Variants in WWOX observed in about 807,000 individuals in gnomAD.
WWOX encodes WW domain-containing oxidoreductase.
Under a neutral mutation model 46.2 loss-of-function variants are expected in WWOX, and 69 were observed. The observed-to-expected ratio is 1.49, with a 90% CI of 1.23 to 1.82. WWOX has a LOEUF of 1.82. Ranked by LOEUF, WWOX falls within the 40% of genes most tolerant of loss-of-function variation. The probability of loss-of-function intolerance (pLI) is 0.00; values close to 1 mark genes in which losing one functional copy is unlikely to be tolerated. For synonymous variants in WWOX, 359 were observed against 202.6 expected, an observed-to-expected ratio of 1.77 and a Z score of -6.56; for missense variants, 919 against 542.6, an observed-to-expected ratio of 1.69 and a Z score of -6.89.
At chr16:78,876,906 G>A (rs1358439790) in intron 8 of WWOX, among the ~76,000 whole-genome samples, 1 of 152,108 alleles carries the variant, frequency 6.6e-6, no homozygotes. Flanking sequence ...AATTCCTACA[G>A]GAAATCTTGT....
In WWOX at chr16:78,783,044, C is replaced by T. The variant is rs543913865; in HGVS notation, c.1056+350292C>T. The stretch of plus-strand genomic sequence containing the variant: ...ATCTTTCTGAAGTCATTTTAATTAT[C>T]ACTTAAACTCAATATGGAAAGCATC... On this transcript the variant is annotated intron_variant, in intron 8 of 8. Transcript: ENST00000566780. Among the ~76,000 whole-genome samples, 106 of 152,270 alleles carry T rather than the reference C, an allele frequency of 7.0e-4. 1 individual carries two copies. Among genetic ancestry groups the T allele is most frequent in the African/African-American group, 2.5e-3 (105 of 41,526 alleles).
At chr16:78,167,628 T>A (rs2035015801) in intron 5 of WWOX, 1 of 152,212 alleles carries the variant, frequency 6.6e-6, no homozygotes, top group Non-Finnish European at 1.5e-5. Flanking sequence ...TTTCACTTGT[T>A]CTCTCTGTAT....
chr16:78,203,239 A>G (rs2036287996), intron 5 of WWOX, among the ~76,000 whole-genome samples: 2 of 152,032 alleles, frequency 1.3e-5, no homozygotes, highest in Admixed American at 6.6e-5. Context: ...AAATCAAGAG[A>G]CCCACCTTTG....
At chr16:78,225,953 G>T (rs927628096) in intron 5 of WWOX, among the ~76,000 whole-genome samples, 1 of 152,008 alleles carries the variant, frequency 6.6e-6, no homozygotes, top group Non-Finnish European at 1.5e-5. Flanking sequence ...TTTAAAAATA[G>T]TTCTAGTACT....
At chr16:78,100,753 A>G (rs78192082) in intron 1 of WWOX, among the ~76,000 whole-genome samples, 1 of 152,238 alleles carries the variant, frequency 6.6e-6, no homozygotes, top group Non-Finnish European at 1.5e-5. Context: ...CACCGTGTCT[A>G]GTAGGTACTC....
intron 8 of WWOX, among the ~76,000 whole-genome samples, chr16:78,433,777 C>CTTTTTTTTT (rs547236644): frequency 1.2e-5 from 1 of 84,374 alleles, no homozygotes; most frequent in Non-Finnish European, 2.2e-5. Context: ...TTGGGGATGA[C>CTTTTTTTTT]TTTTTTTTTT....
intron 8 of WWOX, among the ~76,000 whole-genome samples, chr16:79,163,425 G>A (rs189220974): frequency 2.0e-5 from 3 of 152,262 alleles, no homozygotes; most frequent in African/African-American, 7.2e-5. Flanking sequence ...AAGTTACTCT[G>A]AGCTCTATAA....
chr16:78,415,618 T>C (rs1288947309), intron 6 of WWOX, among the ~76,000 whole-genome samples: 1 of 152,122 alleles, frequency 6.6e-6, no homozygotes, highest in Non-Finnish European at 1.5e-5. Flanking sequence ...TCAGTTATTA[T>C]TTCACAAAGG....
intron 8 of WWOX, among the ~76,000 whole-genome samples, chr16:79,071,610 G>C (rs370209253): frequency 6.6e-6 from 1 of 152,172 alleles, no homozygotes; most frequent in East Asian, 1.9e-4. Context: ...CCCATTACAC[G>C]CTCAGGCTTG....
chr16:78,770,360 A>AC (rs145109743), intron 8 of WWOX, among the ~76,000 whole-genome samples: 2,880 of 152,102 alleles, frequency 0.019, 78 homozygotes, highest in African/African-American at 0.066. Context: ...CAAACAAAAA[A>AC]AAAATTTAAC....
At chr16:78,139,992 A>G (rs1026359701) in intron 4 of WWOX, among the ~76,000 whole-genome samples, 72 of 152,224 alleles carry the variant, frequency 4.7e-4, no homozygotes, top group African/African-American at 1.7e-3. Context: ...GATGTCCCAG[A>G]ATTTTGGGTT....
In WWOX at chr16:78,099,825, A is replaced by T; in HGVS notation, c.47A>T (p.Asp16Val). ...YAGLDDTDSEDELPPGWEERT... is the reference protein window; with the variant it reads ...YAGLDDTDSEVELPPGWEERT... ...GGGCTGGACGACACGGACAGTGAGG[A>T]CGAGCTGCCTCCGGGCTGGGAGGAG... Residue 16 changes from aspartate to valine, a missense_variant, in exon 1 of 9, where the codon GAC becomes GTC. By Grantham distance (152) the Asp-to-Val change is radical. Transcript: ENST00000566780. 1 of 1,580,768 alleles carries T rather than the reference A, an allele frequency of 6.3e-7. No homozygotes were observed. Among genetic ancestry groups the T allele is most frequent in the Non-Finnish European group, 8.6e-7 (1 of 1,164,560 alleles).
chr16:78,695,302 C>G (rs957053463), intron 8 of WWOX, among the ~76,000 whole-genome samples: 2 of 151,976 alleles, frequency 1.3e-5, no homozygotes, highest in Non-Finnish European at 2.9e-5. Flanking sequence ...AAGCAGCTTC[C>G]CCCCACTTTT....
rs373306276 is a variant in WWOX, at chr16:78,115,066, C to G, written c.321C>G (p.Tyr107Ter). 1 of 1,614,160 alleles carries G rather than the reference C, an allele frequency of 6.2e-7. No individual in the cohort carries two copies. Among genetic ancestry groups the G allele is most frequent in the Non-Finnish European group, 8.5e-7 (1 of 1,180,026 alleles). Residue 107 changes from tyrosine to a stop codon, truncating the protein, a stop_gained, in exon 4 of 9, where the codon TAC becomes TAG. Transcript: ENST00000566780. LOFTEE classifies it high-confidence loss of function. ...CCAAGCCAACCACCCGGCAAAGATA[C>G]GACGGCAGCACCACTGCCATGGAAA... is the stretch of plus-strand genomic sequence containing the variant. The part of the protein sequence containing the change: ...NPTKPTTRQR[Y>*]DGSTTAMEIL...
chr16:78,670,944 G>C (rs1374616031), intron 8 of WWOX, among the ~76,000 whole-genome samples: 2 of 151,990 alleles, frequency 1.3e-5, no homozygotes, highest in Non-Finnish European at 2.9e-5. Context: ...GAGAGAGGAA[G>C]GTGATGCCAA....
chr16:78,317,844 G>C (rs918968183), intron 5 of WWOX, among the ~76,000 whole-genome samples: 3 of 152,130 alleles, frequency 2.0e-5, no homozygotes, highest in Admixed American at 2.0e-4. Context: ...TGGACAGTGA[G>C]ACTACTATCA....
intron 8 of WWOX, among the ~76,000 whole-genome samples, chr16:79,077,180 G>A (rs1425384043): frequency 1.3e-5 from 2 of 152,128 alleles, no homozygotes; most frequent in African/African-American, 4.8e-5. Flanking sequence ...ACTTGACCCT[G>A]GGCCTGACAC....
In WWOX at chr16:78,995,716, TG is replaced by T. The variant is rs2046976591; in HGVS notation, c.1057-215891del. Among the ~76,000 whole-genome samples the T allele has an allele frequency of 3.3e-5, 5 of 152,320 alleles. No individual in the cohort carries two copies. The South Asian group carries it at 1.0e-3, about 32-fold the overall frequency. ...ACTGGTAAAGTGTGAAGAACAGCAG[TG>T]ACATTCTAGTCTTCAATAAATCACT... On this transcript the variant is annotated intron_variant, in intron 8 of 8. Coordinates refer to ENST00000566780, the MANE Select transcript of WWOX (RefSeq NM_016373.4).
At position 78,511,186 on chromosome 16, in the gene WWOX, C is replaced by T. The variant is rs373115989; in HGVS notation, c.1056+78434C>T. On this transcript the variant is annotated intron_variant, in intron 8 of 8. Coordinates refer to ENST00000566780, the MANE Select transcript of WWOX (RefSeq NM_016373.4). ...ACAAAAATCGGGAAAAGGCAGAAGA[C>T]GGCTGTCATTAATGTAAAAGCAGCT... 2.2e-4 allele frequency among the ~76,000 whole-genome samples: 33 copies of T among 152,262 alleles called. No individual in the cohort carries two copies. The East Asian group carries it at 3.1e-3, about 14-fold the overall frequency.
Sources: gnomAD v4.1 joint callset for allele counts (sites outside exome capture counted in the v4.1 genomes callset) on GRCh38, gnomAD v4.1.1 for gene constraint, MANE v1.5 for transcripts, NCBI Gene and HGNC (gene_info 2026-07-23, HGNC 2026-07-21) for gene names.